The following ULK4 variants were observed in gnomAD, a reference collection of about 807,000 sequenced individuals.
ULK4 encodes the protein inactive serine/threonine-protein kinase ULK4.
A neutral mutation model predicts 160.6 loss-of-function variants in ULK4; 133 were observed. That is an observed-to-expected ratio of 0.83 (90% confidence interval 0.72 to 0.96). ULK4 has a LOEUF of 0.96. Ranked by LOEUF, ULK4 falls within the 40% of genes least tolerant of loss-of-function variation. The pLI, the probability that ULK4 is intolerant of heterozygous loss-of-function variation, is 0.00. For missense variants in ULK4, 1,580 were observed against 1,499.5 expected, an observed-to-expected ratio of 1.05 and a Z score of -0.89; for synonymous variants, 534 against 539.8, an observed-to-expected ratio of 0.99 and a Z score of 0.15.
chr3:41,857,206 TTC>T (rs1049964426), intron 17 of ULK4, among the ~76,000 whole-genome samples: 11 of 152,140 alleles, frequency 7.2e-5, no homozygotes, highest in African/African-American at 2.7e-4. Context: ...TAGAGCCCTA[TTC>T]TCTTTCCCTA....
At chr3:41,309,816 G>A (rs1165206349) in intron 35 of ULK4, among the ~76,000 whole-genome samples, 2 of 151,452 alleles carry the variant, frequency 1.3e-5, no homozygotes, top group South Asian at 2.1e-4. Flanking sequence ...GAATCCAGAA[G>A]GAAAGAATAA....
At chr3:41,451,236 G>A (rs1286653511) in intron 34 of ULK4, among the ~76,000 whole-genome samples, 3 of 151,970 alleles carry the variant, frequency 2.0e-5, no homozygotes, top group South Asian at 2.1e-4. Context: ...GAAATAAGCA[G>A]GGAACAAGAG....
chr3:41,597,782 T>C (rs2031794179), intron 31 of ULK4, among the ~76,000 whole-genome samples: 1 of 152,198 alleles, frequency 6.6e-6, no homozygotes, highest in Non-Finnish European at 1.5e-5. Flanking sequence ...GAGATATGCT[T>C]CTCAAAACAC....
At chr3:41,910,854 TTG>T (rs1698758005) in intron 11 of ULK4, among the ~76,000 whole-genome samples, 11 of 152,164 alleles carry the variant, frequency 7.2e-5, no homozygotes, top group Admixed American at 5.9e-4. Flanking sequence ...TCATAGCTAC[TTG>T]AGAGGCTAAA....
At chr3:41,580,702 C>T (rs2030246318) in intron 31 of ULK4, among the ~76,000 whole-genome samples, 1 of 152,162 alleles carries the variant, frequency 6.6e-6, no homozygotes, top group African/African-American at 2.4e-5. Flanking sequence ...GCATCAGCTG[C>T]CTCATCCGGG....
intron 32 of ULK4, among the ~76,000 whole-genome samples, chr3:41,467,237 C>T (rs552509368): frequency 6.6e-6 from 1 of 152,228 alleles, no homozygotes; most frequent in East Asian, 1.9e-4. Context: ...CAAAATAGCT[C>T]CAAACTGCGG....
intron 35 of ULK4, among the ~76,000 whole-genome samples, chr3:41,396,724 C>T (rs1436303033): frequency 6.6e-6 from 1 of 152,138 alleles, no homozygotes; most frequent in Non-Finnish European, 1.5e-5. Flanking sequence ...GATTCCACAT[C>T]ATCTAGTGCT....
At chr3:41,907,988 TTC>T (rs755514226) in intron 11 of ULK4, 47 bp from the exon 12 acceptor site, 25 of 1,400,530 alleles carry the variant, frequency 1.8e-5, no homozygotes, top group East Asian at 1.2e-4. Context: ...AGACAGTTTA[TTC>T]TCTGTTTACT....
At chr3:41,631,859 G>A (rs1023324876) in intron 30 of ULK4, among the ~76,000 whole-genome samples, 1 of 151,994 alleles carries the variant, frequency 6.6e-6, no homozygotes, top group Non-Finnish European at 1.5e-5. Flanking sequence ...GTCCTGTTTC[G>A]TCCAGGGCTT....
At chr3:41,946,960 A>G (rs1465676414) in intron 2 of ULK4, among the ~76,000 whole-genome samples, 2 of 146,784 alleles carry the variant, frequency 1.4e-5, no homozygotes, top group African/African-American at 4.9e-5. Flanking sequence ...AATGCTATCA[A>G]AATATGATCA....
At chr3:41,762,204 T>C (rs1487557183) in intron 21 of ULK4, among the ~76,000 whole-genome samples, 1 of 152,084 alleles carries the variant, frequency 6.6e-6, no homozygotes, top group South Asian at 2.1e-4. Flanking sequence ...CAAACCAAAA[T>C]TGCAGAACTT....
chr3:41,472,607 CAAG>C (rs1047057280), intron 32 of ULK4, among the ~76,000 whole-genome samples: 1 of 149,878 alleles, frequency 6.7e-6, no homozygotes, highest in South Asian at 2.1e-4. Context: ...AACAGATCAA[CAAG>C]AAGATTGAAT....
At chr3:41,557,748 CA>C (rs35932732) in intron 32 of ULK4, among the ~76,000 whole-genome samples, 1 of 151,690 alleles carries the variant, frequency 6.6e-6, no homozygotes, top group Non-Finnish European at 1.5e-5. Flanking sequence ...CTGGGTAACA[CA>C]AGGAGACTCT....
At chr3:41,475,254 C>T (rs1438101800) in intron 32 of ULK4, among the ~76,000 whole-genome samples, 1 of 152,088 alleles carries the variant, frequency 6.6e-6, no homozygotes, top group Non-Finnish European at 1.5e-5. Context: ...AGACAAATAC[C>T]ACATGTTCTC....
chr3:41,682,279 G>A (rs2035948306), intron 27 of ULK4, among the ~76,000 whole-genome samples: 1 of 152,134 alleles, frequency 6.6e-6, no homozygotes, highest in Non-Finnish European at 1.5e-5. Flanking sequence ...CCACAAAGAT[G>A]TAAATCCACT....
chr3:41,617,631 A>G (rs1470587213), intron 30 of ULK4, among the ~76,000 whole-genome samples: 1 of 152,222 alleles, frequency 6.6e-6, no homozygotes, highest in Non-Finnish European at 1.5e-5. Context: ...TCAGCCTCAA[A>G]GATCAAAGGC....
chr3:41,550,096 T>C (rs1336020004), intron 32 of ULK4, among the ~76,000 whole-genome samples: 1 of 151,948 alleles, frequency 6.6e-6, no homozygotes, highest in East Asian at 1.9e-4. Context: ...GGACAATATT[T>C]ACCATCACAA....
chr3:41,479,224 C>T (rs1382129427), intron 32 of ULK4, among the ~76,000 whole-genome samples: 3 of 152,232 alleles, frequency 2.0e-5, no homozygotes, highest in African/African-American at 7.2e-5. Flanking sequence ...TTTTCCTCCC[C>T]TGTCATCTAC....
chr3:41,934,622 G>A (rs1699699969), intron 4 of ULK4, among the ~76,000 whole-genome samples: 1 of 152,166 alleles, frequency 6.6e-6, no homozygotes, highest in Non-Finnish European at 1.5e-5. Context: ...AAGGCAAAGA[G>A]AAGCAGGGTA....
Sources: allele counts gnomAD v4.1 joint callset (sites outside exome capture counted in the v4.1 genomes callset), GRCh38; gene constraint gnomAD v4.1.1; transcripts MANE v1.5; gene names NCBI Gene and HGNC (gene_info 2026-07-23, HGNC 2026-07-21).